Variants in ATAD2B observed in about 807,000 individuals in gnomAD.
ATAD2B encodes the protein ATPase family AAA domain containing 2B, also known as ATPase family AAA domain-containing protein 2B.
A neutral mutation model predicts 167.6 loss-of-function variants in ATAD2B; 40 were observed. That is an observed-to-expected ratio of 0.24 (90% confidence interval 0.19 to 0.31). The LOEUF is 0.31. ATAD2B is among the 10% of genes least tolerant of loss of function. The pLI, the probability that ATAD2B is intolerant of heterozygous loss-of-function variation, is 1.00. For synonymous variants in ATAD2B, 579 were observed against 596.5 expected, an observed-to-expected ratio of 0.97 and a Z score of 0.43; for missense variants, 1,242 against 1,757.2, an observed-to-expected ratio of 0.71 and a Z score of 5.24.
At chr2:23,819,289 G>A (rs1687074783) in intron 17 of ATAD2B, among the ~76,000 whole-genome samples, 2 of 151,996 alleles carry the variant, frequency 1.3e-5, no homozygotes, top group Admixed American at 6.6e-5. Context: ...CCTGAGATTC[G>A]AGACCAGCCT....
intron 24 of ATAD2B, among the ~76,000 whole-genome samples, chr2:23,758,479 GC>G (rs1332152562): frequency 6.6e-6 from 1 of 152,204 alleles, no homozygotes; most frequent in Non-Finnish European, 1.5e-5. Context: ...TGGGGCCAAA[GC>G]CCTGGATTTC....
At chr2:23,769,010 T>C (rs749170747) in intron 22 of ATAD2B, among the ~76,000 whole-genome samples, 3 of 152,170 alleles carry the variant, frequency 2.0e-5, no homozygotes, top group Admixed American at 1.3e-4. Flanking sequence ...CACGTTAATT[T>C]TCCTTGGGTT....
At chr2:23,912,090 C>T (rs1406217876) in intron 1 of ATAD2B, among the ~76,000 whole-genome samples, 6 of 151,706 alleles carry the variant, frequency 4.0e-5, no homozygotes, top group Non-Finnish European at 8.8e-5. Context: ...GAAACATTTA[C>T]CAAAATAACC....
intron 26 of ATAD2B, 25 bp downstream of exon 26, chr2:23,754,622 C>T (rs773660561): frequency 6.2e-7 from 1 of 1,602,236 alleles, no homozygotes; most frequent in Non-Finnish European, 8.5e-7. Context: ...TCATTTAAAA[C>T]TTGACTGGGA....
chr2:23,866,192 G>C (rs560334558), intron 10 of ATAD2B, among the ~76,000 whole-genome samples: 9 of 152,312 alleles, frequency 5.9e-5, no homozygotes, highest in Non-Finnish European at 1.5e-5. Flanking sequence ...GATCACCTGA[G>C]CTTAGGAGTT....
At position 23,926,827 on chromosome 2, in the gene ATAD2B, C is replaced by A. The variant is rs1399265572; in HGVS notation, c.-57G>T. On this transcript the variant is annotated 5_prime_UTR_variant, in exon 1 of 28. Transcript: ENST00000238789. The stretch of plus-strand genomic sequence containing the variant: ...GCCCGGGAGAGCCGAGCAAGGCCGG[C>A]CCGCCGGCCGGTCAGTCAGGGCCAG... 9.0e-6 allele frequency: 13 copies of A among 1,452,398 alleles called. No homozygotes were observed. Among genetic ancestry groups the A allele is most frequent in the Non-Finnish European group, 1.2e-5 (13 of 1,103,504 alleles). The allele number at this position is 1,452,398 out of a possible 1,614,324, so 90.0% of individuals were successfully genotyped here.
chr2:23,887,275 T>C (rs1698824753), intron 4 of ATAD2B, among the ~76,000 whole-genome samples: 1 of 152,158 alleles, frequency 6.6e-6, no homozygotes. Flanking sequence ...CTGCCGTGAC[T>C]GGTCTTGAAC....
chr2:23,725,399 A>C, the ATAD2B span, among the ~76,000 whole-genome samples: 1 of 152,238 alleles, frequency 6.6e-6, no homozygotes. Context: ...CTGTGTAAAT[A>C]TAACAGATTA....
the ATAD2B span, among the ~76,000 whole-genome samples, chr2:23,733,488 C>T: frequency 7.2e-5 from 11 of 152,282 alleles, no homozygotes; most frequent in East Asian, 5.8e-4. Context: ...TGATCTGATT[C>T]GTGCTCATGG....
intron 2 of ATAD2B, among the ~76,000 whole-genome samples, chr2:23,888,974 A>C (rs534993807): frequency 2.6e-5 from 4 of 152,232 alleles, no homozygotes; most frequent in Non-Finnish European, 5.9e-5. Flanking sequence ...CCATCAAAAC[A>C]TGAGGACTAG....
intron 13 of ATAD2B, among the ~76,000 whole-genome samples, chr2:23,849,183 T>G (rs1016804870): frequency 1.3e-5 from 2 of 152,038 alleles, no homozygotes; most frequent in Non-Finnish European, 2.9e-5. Context: ...TAAGAGACAA[T>G]GCAATTAAGA....
chr2:23,703,780 T>C, the ATAD2B span: 1 of 1,537,422 alleles, frequency 6.5e-7, no homozygotes, highest in Admixed American at 2.0e-5. Flanking sequence ...GCGGGGCTTA[T>C]GCCAGAGCTA....
intron 1 of ATAD2B, among the ~76,000 whole-genome samples, chr2:23,919,407 T>C (rs1285738794): frequency 6.6e-6 from 1 of 151,742 alleles, no homozygotes; most frequent in Non-Finnish European, 1.5e-5. Flanking sequence ...ATTAGCTGAC[T>C]GTGGTGGCTT....
chr2:23,896,776 T>C lies in ATAD2B; in HGVS notation c.217-806A>G, dbSNP rs1341245363. 4.6e-5 allele frequency among the ~76,000 whole-genome samples: 7 copies of C among 152,218 alleles called. No individual in the cohort carries two copies. In the South Asian group the frequency reaches 1.4e-3, roughly 31 times the overall value. ...AGAAACACATATTGCATTTAGTTAA[T>C]GGACCTCCTCAGTCTCCCTCAATCA... On this transcript the variant is annotated intron_variant, in intron 1 of 27. Coordinates refer to ENST00000238789, the MANE Select transcript of ATAD2B (RefSeq NM_017552.4).
intron 22 of ATAD2B, among the ~76,000 whole-genome samples, chr2:23,771,118 A>G (rs1678261425): frequency 6.6e-6 from 1 of 152,204 alleles, no homozygotes; most frequent in Non-Finnish European, 1.5e-5. Context: ...TTGCTAGTAT[A>G]TAGAAAAACA....
intron 8 of ATAD2B, chr2:23,872,564 T>C (rs1696163909): frequency 9.0e-7 from 1 of 1,113,522 alleles, no homozygotes; most frequent in Non-Finnish European, 1.4e-6. Flanking sequence ...GGAGGGTAGC[T>C]GATCCTCCGT....
intron 27 of ATAD2B, among the ~76,000 whole-genome samples, chr2:23,753,328 A>G (rs1675574834): frequency 1.3e-5 from 2 of 152,202 alleles, no homozygotes; most frequent in Admixed American, 1.3e-4. Context: ...CTTTGAGAGC[A>G]GAGACTTTGT....
chr2:23,715,430 C>T, the ATAD2B span, among the ~76,000 whole-genome samples: 1 of 151,788 alleles, frequency 6.6e-6, no homozygotes, highest in African/African-American at 2.4e-5. Context: ...AAAAATTAGC[C>T]AGGCATGGTG....
At chr2:23,834,270 T>C (rs1010025011) in intron 13 of ATAD2B, among the ~76,000 whole-genome samples, 192 bp from the exon 14 acceptor site, 4 of 145,788 alleles carry the variant, frequency 2.7e-5, no homozygotes, top group Non-Finnish European at 4.5e-5. Flanking sequence ...CAAGCAATTC[T>C]CCTGCCTCAG....
Sources: gnomAD v4.1 joint callset for allele counts (sites outside exome capture counted in the v4.1 genomes callset) on GRCh38, gnomAD v4.1.1 for gene constraint, MANE v1.5 for transcripts, NCBI Gene and HGNC (gene_info 2026-07-23, HGNC 2026-07-21) for gene names.